BTRC: variants seen among roughly 807,000 people sequenced by gnomAD.
BTRC encodes F-box/WD repeat-containing protein 1A.
BTRC carries 42 observed loss-of-function variants against 85.5 expected under a neutral mutation model. The observed-to-expected ratio is 0.49, with a 90% CI of 0.38 to 0.64. BTRC has a LOEUF of 0.64. BTRC is among the 30% of genes least tolerant of loss of function. BTRC has a pLI of 0.00. For synonymous variants in BTRC, 255 were observed against 263.3 expected (o/e 0.97, Z 0.30); for missense variants, 594 against 743.5 (o/e 0.80, Z 2.34).
rs374003189 is a variant in BTRC, at chr10:101,437,831, GT to G, written c.156+7381del. The stretch of plus-strand genomic sequence containing the variant: ...ATATATCTGTGTCTTTGCATATACC[GT>G]TCTGCTTACCTGAAAAAACCCCTCC... On this transcript the variant is annotated intron_variant, in intron 2 of 14. Coordinates refer to ENST00000370187, the MANE Select transcript of BTRC (RefSeq NM_033637.4). Among the ~76,000 whole-genome samples, 18 of 152,068 alleles carry G rather than the reference GT, an allele frequency of 1.2e-4. No homozygotes were observed. In the South Asian group the frequency reaches 3.3e-3, roughly 28 times the overall value.
rs1399986557 is a variant in BTRC at position 101,387,528 on chromosome 10, C to CCTTTTTTTTTTTTTTTTTTTT, written c.48+33300_48+33301insCTTTTTTTTTTTTTTTTTTTT. Among the ~76,000 whole-genome samples the CCTTTTTTTTTTTTTTTTTTTT allele has an allele frequency of 4.4e-5, 2 of 45,092 alleles. 1 individual carries two copies. The highest frequency in any genetic ancestry group is 2.5e-3 in the East Asian group (2 of 786). The allele number at this position is 45,092 out of a possible 152,430, so 29.6% of individuals were successfully genotyped here. Reference sequence around the variant, plus strand: ...TGTGGCTTTTTATACCTTCATGGGACTTTTTTTTTTTTTTTTTTGAGATAG... The same window carrying CCTTTTTTTTTTTTTTTTTTTT: ...TGTGGCTTTTTATACCTTCATGGGACCTTTTTTTTTTTTTTTTTTTTTTTTTTTTTTTTTTTTTTGAGATAG... On this transcript the variant is annotated intron_variant, in intron 1 of 14. Transcript: ENST00000370187.
At chr10:101,422,911 C>CA (rs1383076144) in intron 1 of BTRC, among the ~76,000 whole-genome samples, 6 of 152,034 alleles carry the variant, frequency 3.9e-5, no homozygotes, top group Admixed American at 1.3e-4. Flanking sequence ...ATGATGCCTC[C>CA]AGCTTTGTTC....
At chr10:101,457,195 T>C (rs1945104740) in intron 2 of BTRC, among the ~76,000 whole-genome samples, 1 of 152,216 alleles carries the variant, frequency 6.6e-6, no homozygotes, top group Non-Finnish European at 1.5e-5. Context: ...ACCCTTCTTA[T>C]GATGATGTGA....
intron 2 of BTRC, among the ~76,000 whole-genome samples, chr10:101,439,697 C>T (rs1944630191): frequency 6.6e-6 from 1 of 152,116 alleles, no homozygotes; most frequent in South Asian, 2.1e-4. Flanking sequence ...GCTGATGGAG[C>T]CAAACAAACT....
At chr10:101,506,009 G>A (rs1946531387) in intron 4 of BTRC, among the ~76,000 whole-genome samples, 1 of 151,998 alleles carries the variant, frequency 6.6e-6, no homozygotes, top group Admixed American at 6.6e-5. Context: ...CCGCCTCCAG[G>A]ATTCAAGCAA....
At chr10:101,412,939 A>G (rs559205050) in intron 1 of BTRC, among the ~76,000 whole-genome samples, 105 of 152,378 alleles carry the variant, frequency 6.9e-4, no homozygotes, top group African/African-American at 2.5e-3. Flanking sequence ...TATGAAACAA[A>G]GTAACAAAAA....
At chr10:101,387,320 G>T (rs536888963) in intron 1 of BTRC, among the ~76,000 whole-genome samples, 175 of 149,908 alleles carry the variant, frequency 1.2e-3, no homozygotes, top group African/African-American at 4.0e-3. Flanking sequence ...ATTTTTTTTT[G>T]TATTGGGAAC....
At chr10:101,493,780 G>T (rs1446758100) in intron 4 of BTRC, among the ~76,000 whole-genome samples, 4 of 152,268 alleles carry the variant, frequency 2.6e-5, no homozygotes, top group African/African-American at 9.6e-5. Context: ...CCACAAAAAA[G>T]TAAAACTGTT....
At chr10:101,400,159 A>G (rs1157974127) in intron 1 of BTRC, among the ~76,000 whole-genome samples, 1 of 152,216 alleles carries the variant, frequency 6.6e-6, no homozygotes, top group Non-Finnish European at 1.5e-5. Context: ...TATTTATTTC[A>G]TATATTGTAG....
At chr10:101,487,851 C>CA (rs1179773708) in intron 4 of BTRC, among the ~76,000 whole-genome samples, 1 of 151,806 alleles carries the variant, frequency 6.6e-6, no homozygotes, top group Non-Finnish European at 1.5e-5. Flanking sequence ...AAAAGGAAAG[C>CA]AAAAAAATCT....
At chr10:101,438,928 T>G (rs1385208954) in intron 2 of BTRC, among the ~76,000 whole-genome samples, 1 of 152,194 alleles carries the variant, frequency 6.6e-6, no homozygotes, top group African/African-American at 2.4e-5. Context: ...CCTGGAAATG[T>G]GCCTATGGAC....
At chr10:101,521,919 G>A (rs6584430) in intron 5 of BTRC, 49 bp downstream of exon 5, 333,237 of 1,376,988 alleles carry the variant, frequency 0.24, 49,019 homozygotes, top group East Asian at 0.66. Flanking sequence ...GATGATAAGA[G>A]AACTAGATCT....
chr10:101,401,928 G>A (rs545198658), intron 1 of BTRC, among the ~76,000 whole-genome samples: 2 of 152,058 alleles, frequency 1.3e-5, no homozygotes, highest in South Asian at 4.2e-4. Flanking sequence ...AAAACAGAAT[G>A]TTGATGTTAG....
At chr10:101,396,795 C>T (rs1943374994) in intron 1 of BTRC, among the ~76,000 whole-genome samples, 1 of 151,570 alleles carries the variant, frequency 6.6e-6, no homozygotes, top group Non-Finnish European at 1.5e-5. Flanking sequence ...GTAATTCTAT[C>T]TCCAAAAGAT....
At chr10:101,513,509 G>C (rs1221251906) in intron 4 of BTRC, among the ~76,000 whole-genome samples, 15 of 152,148 alleles carry the variant, frequency 9.9e-5, no homozygotes, top group Admixed American at 5.9e-4. Context: ...ACTGTTCCTA[G>C]AGTTTCATAC....
intron 2 of BTRC, among the ~76,000 whole-genome samples, chr10:101,460,888 T>C (rs1945206136): frequency 6.6e-6 from 1 of 152,142 alleles, no homozygotes; most frequent in South Asian, 2.1e-4. Context: ...GTAAGGAATA[T>C]ATTAACTGTA....
chr10:101,543,434 T>G (rs991050656), intron 13 of BTRC, among the ~76,000 whole-genome samples: 5 of 151,982 alleles, frequency 3.3e-5, no homozygotes, highest in Non-Finnish European at 7.4e-5. Context: ...TTTCTCATAT[T>G]CAGCATATAG....
At chr10:101,545,921 C>A (rs921277029) in intron 13 of BTRC, among the ~76,000 whole-genome samples, 1 of 152,080 alleles carries the variant, frequency 6.6e-6, no homozygotes, top group African/African-American at 2.4e-5. Flanking sequence ...CCAAGAAGAC[C>A]TAACAATCCT....
intron 1 of BTRC, among the ~76,000 whole-genome samples, chr10:101,390,844 C>G (rs912419207): frequency 6.6e-6 from 1 of 152,074 alleles, no homozygotes; most frequent in African/African-American, 2.4e-5. Flanking sequence ...TTCTAATTTT[C>G]CTGTCCCAAG....
Sources: allele counts gnomAD v4.1 joint callset (sites outside exome capture counted in the v4.1 genomes callset), GRCh38; gene constraint gnomAD v4.1.1; transcripts MANE v1.5; gene names NCBI Gene and HGNC (gene_info 2026-07-23, HGNC 2026-07-21).